MKNK1: variants seen among roughly 807,000 people sequenced by gnomAD.
MKNK1 encodes MAP kinase-interacting serine/threonine-protein kinase 1.
In MKNK1, 30 loss-of-function variants were observed where a neutral mutation model predicts 49.3. The observed-to-expected ratio is 0.61, with a 90% CI of 0.46 to 0.83. MKNK1 has a LOEUF of 0.83. Among genes scored for constraint, MKNK1 ranks in the 40% least tolerant of loss-of-function variants. The pLI is 0.00. For missense variants in MKNK1, 423 were observed against 524.7 expected (o/e 0.81, Z 1.89); for synonymous variants, 176 against 201.7 (o/e 0.87, Z 1.08).
intron 10 of MKNK1, 147 bp downstream of exon 10, chr1:46,562,501 CT>C: frequency 1.1e-6 from 1 of 905,206 alleles, no homozygotes; most frequent in Non-Finnish European, 1.6e-6. Flanking sequence ...TCTATTTTAC[CT>C]TGTGGCCACC....
rs1027612121 is a variant in MKNK1 at position 46,558,009 on chromosome 1, C to T, written c.*566G>A. 7.2e-5 allele frequency: 11 copies of T among 152,926 alleles called. No homozygotes were observed. Among genetic ancestry groups the T allele is most frequent in the African/African-American group, 1.9e-4 (8 of 41,446 alleles). 9.5% of individuals were successfully genotyped at this position (152,926 alleles called of 1,614,324 possible). A position where few individuals can be genotyped will look rare whatever the true frequency, so the allele number is the denominator to read the frequency against. ...TTATGTGCTTTTCCGTGCTGCAGAC[C>T]GGAAGACTGATTTGATTTCCTGAAT... On this transcript the variant is annotated 3_prime_UTR_variant, in exon 13 of 13. Coordinates refer to ENST00000371945, the MANE Select transcript of MKNK1 (RefSeq NM_001135553.4).
intron 2 of MKNK1, chr1:46,593,561 A>C (rs1320258746): frequency 6.6e-6 from 1 of 152,360 alleles, no homozygotes; most frequent in Non-Finnish European, 1.5e-5. Context: ...TTTTAATTTC[A>C]TAATTAAATA....
chr1:46,571,169 A>G (rs932847527), intron 7 of MKNK1, among the ~76,000 whole-genome samples: 1 of 152,250 alleles, frequency 6.6e-6, no homozygotes, highest in Non-Finnish European at 1.5e-5. Context: ...AAGGGGCTGT[A>G]ACCTGAAGCG....
intron 12 of MKNK1, among the ~76,000 whole-genome samples, chr1:46,559,103 G>A (rs980859312): frequency 1.3e-5 from 2 of 152,222 alleles, no homozygotes; most frequent in African/African-American, 4.8e-5. Context: ...CAGAGGCAGA[G>A]ACTGGGCACA....
chr1:46,602,889 A>G (rs1431963395), intron 1 of MKNK1, among the ~76,000 whole-genome samples: 2 of 152,190 alleles, frequency 1.3e-5, no homozygotes, highest in African/African-American at 2.4e-5. Flanking sequence ...ACATTACAGG[A>G]GACCACATGC....
rs566633621 is a variant in MKNK1, at chr1:46,561,113, G to A, written c.969+365C>T. On this transcript the variant is annotated intron_variant, in intron 11 of 12. Coordinates refer to ENST00000371945, the MANE Select transcript of MKNK1 (RefSeq NM_001135553.4). ...CCAACTCGGCCACACAACAATCAGC[G>A]CAGCACGGCCTTGCTCACTTCTGGG... Among the ~76,000 whole-genome samples, 29 of 152,326 alleles carry A rather than the reference G, an allele frequency of 1.9e-4. No homozygotes were observed. The South Asian group carries it at 5.8e-3, about 30-fold the overall frequency.
chr1:46,558,226 C>T lies in MKNK1; in HGVS notation c.*349G>A. The T allele has an allele frequency of 4.2e-6, 1 of 239,980 alleles. No homozygotes were observed. Among genetic ancestry groups the T allele is most frequent in the Non-Finnish European group, 8.1e-6 (1 of 123,936 alleles). 14.9% of individuals were successfully genotyped at this position (239,980 alleles called of 1,614,324 possible). A position where few individuals can be genotyped will look rare whatever the true frequency, so the allele number is the denominator to read the frequency against. On this transcript the variant is annotated 3_prime_UTR_variant, in exon 13 of 13. Transcript: ENST00000371945. ...GATGCTTCTTGCTTCTCCCTGCAGG[C>T]TGCAGCCCCAGCCGCCACAGCTACA...
chr1:46,580,912 A>G (rs1286902954), intron 3 of MKNK1, among the ~76,000 whole-genome samples: 1 of 152,234 alleles, frequency 6.6e-6, no homozygotes, highest in Non-Finnish European at 1.5e-5. Flanking sequence ...TGTGCCAGAC[A>G]GCATAACAGA....
intron 11 of MKNK1, 23 bp from the exon 12 acceptor site, chr1:46,560,300 G>A (rs1048220615): frequency 6.2e-7 from 1 of 1,613,578 alleles, no homozygotes; most frequent in African/African-American, 1.3e-5. Flanking sequence ...GGACAGATGT[G>A]TAGGTAAAGC....
At chr1:46,564,853 C>T (rs934811150) in intron 9 of MKNK1, among the ~76,000 whole-genome samples, 188 bp downstream of exon 9, 2 of 152,130 alleles carry the variant, frequency 1.3e-5, no homozygotes, top group African/African-American at 2.4e-5. Flanking sequence ...GTGTCAGTTT[C>T]GTTAGCAACT....
At chr1:46,568,356 A>G in intron 8 of MKNK1, 87 bp downstream of exon 8, 1 of 1,294,284 alleles carries the variant, frequency 7.7e-7, no homozygotes, top group Admixed American at 1.7e-5. Context: ...TCTGAGGCCA[A>G]CGGAACTGCT....
intron 2 of MKNK1, among the ~76,000 whole-genome samples, chr1:46,592,881 A>G (rs1229597152): frequency 1.3e-5 from 2 of 152,142 alleles, no homozygotes; most frequent in African/African-American, 4.8e-5. Flanking sequence ...TCACCATAAC[A>G]ACAGTAGGAC....
chr1:46,569,838 G>A (rs1431155003), intron 7 of MKNK1: 1 of 152,170 alleles, frequency 6.6e-6, no homozygotes, highest in Non-Finnish European at 1.5e-5. Flanking sequence ...AGGATCACGA[G>A]CCACACACGG....
chr1:46,592,212 C>A (rs1673437975), intron 2 of MKNK1, among the ~76,000 whole-genome samples: 1 of 152,152 alleles, frequency 6.6e-6, no homozygotes, highest in African/African-American at 2.4e-5. Flanking sequence ...TGTAGTCCAG[C>A]CTGGGTGACA....
intron 5 of MKNK1, chr1:46,575,693 T>G (rs1246227082): frequency 6.6e-6 from 1 of 152,138 alleles, no homozygotes; most frequent in Admixed American, 6.6e-5. Flanking sequence ...TGTTGTGGGC[T>G]TTTTTTCTTT....
At chr1:46,584,200 G>C (rs1298551704) in intron 2 of MKNK1, among the ~76,000 whole-genome samples, 2 of 152,224 alleles carry the variant, frequency 1.3e-5, no homozygotes, top group African/African-American at 4.8e-5. Context: ...CAGTGAACCA[G>C]TGCCCAATCA....
Position 46,558,552 on chromosome 1 carries a change from C to T in MKNK1, c.*23G>A. 1.3e-6 allele frequency: 2 copies of T among 1,580,728 alleles called. No individual in the cohort carries two copies. Among genetic ancestry groups the T allele is most frequent in the Non-Finnish European group, 1.7e-6 (2 of 1,163,960 alleles). ...GACAATGCCTGGCCAGGCCTAGGGC[C>T]TATAAGGTGTGACTGGAGCATTTCA... is the stretch of plus-strand genomic sequence containing the variant. On this transcript the variant is annotated 3_prime_UTR_variant, in exon 13 of 13. Transcript: ENST00000371945.
At position 46,595,749 on chromosome 1, in the gene MKNK1, G is replaced by T. The variant is rs547813716; in HGVS notation, c.-170-1469C>A. Among the ~76,000 whole-genome samples the T allele has an allele frequency of 2.8e-4, 43 of 152,232 alleles. 1 individual carries two copies. Among genetic ancestry groups the T allele is most frequent in the South Asian group, 8.3e-4 (4 of 4,822 alleles). On this transcript the variant is annotated intron_variant, in intron 1 of 12. Coordinates refer to ENST00000371945, the MANE Select transcript of MKNK1 (RefSeq NM_001135553.4). ...TCACTTCTACTACCACACTTCCAGG[G>T]ACAGCCTTGAACACCATCCAACGAC...
intron 6 of MKNK1, chr1:46,574,599 C>G (rs1488062677): frequency 9.6e-6 from 2 of 207,380 alleles, no homozygotes; most frequent in African/African-American, 4.7e-5. Context: ...TTTAGCCTTT[C>G]TAGACTTCGC....
Sources: gnomAD v4.1 joint callset for allele counts (sites outside exome capture counted in the v4.1 genomes callset) on GRCh38, gnomAD v4.1.1 for gene constraint, MANE v1.5 for transcripts, NCBI Gene and HGNC (gene_info 2026-07-23, HGNC 2026-07-21) for gene names.